Variants in LARGE1 observed in about 807,000 individuals in gnomAD.
LARGE1 encodes LARGE xylosyl- and glucuronyltransferase 1.
LARGE1 carries 43 observed loss-of-function variants against 87.6 expected under a neutral mutation model. The observed-to-expected ratio is 0.49, with a 90% CI of 0.38 to 0.63. The LOEUF is 0.63. LARGE1 is among the 30% of genes least tolerant of loss of function. LARGE1 has a pLI of 0.00. For missense variants in LARGE1, 802 were observed against 1,000.2 expected (o/e 0.80, Z 2.67); for synonymous variants, 434 against 394.6 (o/e 1.10, Z -1.18).
chr22:33,102,940 G>A, the LARGE1 span, among the ~76,000 whole-genome samples: 8 of 152,006 alleles, frequency 5.3e-5, no homozygotes, highest in African/African-American at 1.7e-4. Context: ...AACAGACCCC[G>A]AAAGAAAAAA....
chr22:33,348,283 C>T (rs1286622447), intron 9 of LARGE1, among the ~76,000 whole-genome samples: 1 of 130,246 alleles, frequency 7.7e-6, no homozygotes, highest in Admixed American at 7.5e-5. Context: ...CCCACCCACC[C>T]CCCCCCAAAA....
intron 11 of LARGE1, among the ~76,000 whole-genome samples, chr22:33,201,497 G>T (rs1002849493): frequency 6.6e-6 from 1 of 152,110 alleles, no homozygotes; most frequent in African/African-American, 2.4e-5. Context: ...GAAATGGATT[G>T]GGCAGACAGC....
intron 6 of LARGE1, among the ~76,000 whole-genome samples, chr22:33,437,549 G>A (rs975604669): frequency 6.6e-6 from 1 of 152,070 alleles, no homozygotes; most frequent in Non-Finnish European, 1.5e-5. Context: ...CACTAAAAGC[G>A]TCGATGAAAT....
intron 1 of LARGE1, among the ~76,000 whole-genome samples, chr22:33,869,422 T>C (rs1569000492): frequency 6.6e-6 from 1 of 152,204 alleles, no homozygotes; most frequent in African/African-American, 2.4e-5. Context: ...GTATTCTCCA[T>C]TCTGACTGCA....
chr22:33,194,452 T>C (rs1164756678), intron 11 of LARGE1, among the ~76,000 whole-genome samples: 2 of 152,218 alleles, frequency 1.3e-5, no homozygotes, highest in East Asian at 3.8e-4. Flanking sequence ...TCCCATCAAT[T>C]TGATTTTCAA....
At chr22:33,334,611 A>C (rs573279853) in intron 10 of LARGE1, among the ~76,000 whole-genome samples, 73 of 152,268 alleles carry the variant, frequency 4.8e-4, no homozygotes, top group South Asian at 1.0e-3. Flanking sequence ...GTGAGCCCAG[A>C]ATGTAGAAAG....
At chr22:33,302,224 C>T (rs1934244285) in intron 12 of LARGE1, among the ~76,000 whole-genome samples, 1 of 152,256 alleles carries the variant, frequency 6.6e-6, no homozygotes, top group East Asian at 1.9e-4. Context: ...GCTCCACACA[C>T]TGGATTCTAA....
chr22:33,606,066 C>T (rs777539138), intron 4 of LARGE1, among the ~76,000 whole-genome samples: 4 of 152,070 alleles, frequency 2.6e-5, no homozygotes, highest in Non-Finnish European at 4.4e-5. Context: ...AGTAGGGCTC[C>T]AGGGTTGGAG....
chr22:33,871,817 A>G (rs1227915815), intron 1 of LARGE1, among the ~76,000 whole-genome samples: 1 of 152,144 alleles, frequency 6.6e-6, no homozygotes, highest in Non-Finnish European at 1.5e-5. Flanking sequence ...ACTAATGATT[A>G]CTAATCCATA....
intron 2 of LARGE1, chr22:33,726,190 G>A (rs1463549902): frequency 6.6e-6 from 1 of 151,316 alleles, no homozygotes; most frequent in Non-Finnish European, 1.5e-5. Context: ...CACAGTGGAA[G>A]CCGACAGGTA....
At chr22:33,649,171 A>G (rs2080714869) in intron 3 of LARGE1, among the ~76,000 whole-genome samples, 1 of 152,194 alleles carries the variant, frequency 6.6e-6, no homozygotes. Flanking sequence ...GAAACCTGAG[A>G]AATGCTCCTA....
intron 6 of LARGE1, among the ~76,000 whole-genome samples, chr22:33,530,002 G>C (rs1353835732): frequency 6.6e-6 from 1 of 152,184 alleles, no homozygotes; most frequent in African/African-American, 2.4e-5. Context: ...CTATAAACCA[G>C]ACATGGTAAT....
intron 2 of LARGE1, among the ~76,000 whole-genome samples, chr22:33,745,864 A>G (rs1468527385): frequency 1.3e-5 from 2 of 152,184 alleles, no homozygotes; most frequent in East Asian, 1.9e-4. Context: ...TTATTCACAC[A>G]TAGGGAGAGG....
intron 1 of LARGE1, among the ~76,000 whole-genome samples, chr22:33,898,515 G>A (rs901791200): frequency 2.6e-5 from 4 of 152,232 alleles, no homozygotes; most frequent in Admixed American, 2.6e-4. Flanking sequence ...AGCACTTTGG[G>A]AGGCCGAGGC....
chr22:33,729,257 C>T (rs1350188837), intron 2 of LARGE1, among the ~76,000 whole-genome samples: 3 of 152,154 alleles, frequency 2.0e-5, no homozygotes, highest in Non-Finnish European at 4.4e-5. Flanking sequence ...GAAATAATTA[C>T]ATGAAGTCAC....
intron 11 of LARGE1, among the ~76,000 whole-genome samples, chr22:33,193,581 C>T (rs1923903304): frequency 2.0e-5 from 3 of 151,966 alleles, no homozygotes. Flanking sequence ...GGAGGTCAGG[C>T]ATGAGGTGGG....
chr22:33,732,874 G>A (rs2083520414), intron 2 of LARGE1: 1 of 152,268 alleles, frequency 6.6e-6, no homozygotes, highest in Non-Finnish European at 1.5e-5. Flanking sequence ...TGGGCCTCAG[G>A]GTCTTTGCAT....
chr22:33,466,104 C>A (rs140388501), intron 6 of LARGE1, among the ~76,000 whole-genome samples: 1 of 152,158 alleles, frequency 6.6e-6, no homozygotes, highest in Non-Finnish European at 1.5e-5. Context: ...ACTCCCTATA[C>A]CCCGGCCATG....
At chr22:33,825,445 T>A (rs2062754104) in intron 1 of LARGE1, among the ~76,000 whole-genome samples, 1 of 151,826 alleles carries the variant, frequency 6.6e-6, no homozygotes, top group South Asian at 2.1e-4. Context: ...AATTGACTCA[T>A]AGTTCAGGGT....
Sources: allele counts gnomAD v4.1 joint callset (sites outside exome capture counted in the v4.1 genomes callset), GRCh38; gene constraint gnomAD v4.1.1; transcripts MANE v1.5; gene names NCBI Gene and HGNC (gene_info 2026-07-23, HGNC 2026-07-21).